The following DESI2 variants were observed in gnomAD, a reference collection of about 807,000 sequenced individuals.
The protein encoded by DESI2 is desumoylating isopeptidase 2, also known as deubiquitinase DESI2.
In DESI2, 10 loss-of-function variants were observed where a neutral mutation model predicts 24.1. That is an observed-to-expected ratio of 0.41 (90% CI 0.26 to 0.70). The LOEUF is 0.70. DESI2 is among the 30% of genes least tolerant of loss of function. The pLI, the probability that DESI2 is intolerant of heterozygous loss-of-function variation, is 0.29. For synonymous variants in DESI2, 71 were observed against 87.7 expected (o/e 0.81, Z 1.06); for missense variants, 122 against 234.9 (o/e 0.52, Z 3.14).
intron 4 of DESI2, among the ~76,000 whole-genome samples, chr1:244,704,733 A>G (rs1677625680): frequency 6.6e-6 from 1 of 152,130 alleles, no homozygotes; most frequent in Non-Finnish European, 1.5e-5. Flanking sequence ...ATGTCAGCTC[A>G]CTGCAACCTC....
intron 3 of DESI2, among the ~76,000 whole-genome samples, chr1:244,690,290 G>T (rs776569019): frequency 1.3e-5 from 2 of 152,130 alleles, no homozygotes; most frequent in Non-Finnish European, 2.9e-5. Flanking sequence ...TCATCGTTCA[G>T]TTCCCACCTA....
intron 4 of DESI2, among the ~76,000 whole-genome samples, chr1:244,704,444 C>T (rs11576678): frequency 0.24 from 36,679 of 151,896 alleles, 4,498 homozygotes; most frequent in South Asian, 0.33. Context: ...GAAATAGGAG[C>T]GGGGGGAAGG....
At chr1:244,673,734 A>G (rs1023252282) in intron 1 of DESI2, among the ~76,000 whole-genome samples, 1 of 152,096 alleles carries the variant, frequency 6.6e-6, no homozygotes, top group African/African-American at 2.4e-5. Flanking sequence ...TTATTGGACC[A>G]TGTCTAATAA....
chr1:244,682,065 GT>G (rs1676634253), intron 1 of DESI2, among the ~76,000 whole-genome samples: 1 of 152,192 alleles, frequency 6.6e-6, no homozygotes, highest in Admixed American at 6.5e-5. Flanking sequence ...GACCCTTGTG[GT>G]CAGTGTTACA....
At chr1:244,686,191 T>C (rs1481665490) in intron 1 of DESI2, among the ~76,000 whole-genome samples, 1 of 151,870 alleles carries the variant, frequency 6.6e-6, no homozygotes, top group Non-Finnish European at 1.5e-5. Context: ...TTCAGGGAGC[T>C]CACCAAAGAA....
chr1:244,671,574 T>C (rs1055526043), intron 1 of DESI2, among the ~76,000 whole-genome samples: 27 of 152,234 alleles, frequency 1.8e-4, no homozygotes, highest in African/African-American at 5.5e-4. Flanking sequence ...GGGCTTTATT[T>C]GGATAAAAAT....
At chr1:244,700,881 T>C (rs1677423550) in intron 4 of DESI2, among the ~76,000 whole-genome samples, 1 of 152,212 alleles carries the variant, frequency 6.6e-6, no homozygotes, top group African/African-American at 2.4e-5. Context: ...AGGTTTTTTG[T>C]TGTTCTTTCA....
chr1:244,699,644 A>G (rs528441914), intron 4 of DESI2, among the ~76,000 whole-genome samples: 22 of 150,844 alleles, frequency 1.5e-4, no homozygotes, highest in Admixed American at 1.3e-3. Flanking sequence ...TCCCGCTTTA[A>G]TATATCCCTT....
chr1:244,670,488 C>T (rs759762782), intron 1 of DESI2, among the ~76,000 whole-genome samples: 8 of 152,196 alleles, frequency 5.3e-5, no homozygotes, highest in African/African-American at 7.2e-5. Context: ...CCAATAAATA[C>T]GCGTTCTGGC....
intron 1 of DESI2, among the ~76,000 whole-genome samples, chr1:244,657,036 G>A (rs1248822080): frequency 6.6e-6 from 1 of 152,206 alleles, no homozygotes; most frequent in Admixed American, 6.5e-5. Flanking sequence ...GCGTCCCAAA[G>A]TTCTGGGATT....
intron 1 of DESI2, among the ~76,000 whole-genome samples, chr1:244,661,718 G>T (rs1048097467): frequency 7.2e-5 from 11 of 152,078 alleles, no homozygotes; most frequent in African/African-American, 2.4e-4. Flanking sequence ...CTTCATCCAT[G>T]TCCCTACAAA....
At chr1:244,680,522 A>G (rs1211218575) in intron 1 of DESI2, among the ~76,000 whole-genome samples, 1 of 152,196 alleles carries the variant, frequency 6.6e-6, no homozygotes, top group East Asian at 1.9e-4. Context: ...CTGGTTTAAC[A>G]CATTTGACAG....
rs111879952 is a variant in DESI2 at position 244,661,348 on chromosome 1, C to G, written c.42+7993C>G. Among the ~76,000 whole-genome samples, 572 of 152,264 alleles carry G rather than the reference C, an allele frequency of 3.8e-3. 2 individuals are homozygous for G. The highest frequency in any genetic ancestry group is 0.013 in the African/African-American group (546 of 41,540). On this transcript the variant is annotated intron_variant, in intron 1 of 4. Coordinates refer to ENST00000302550, the MANE Select transcript of DESI2 (RefSeq NM_016076.5). Reference sequence around the variant, plus strand: ...TGCAGCATGTATCAGAATTTCCTTCCTTTTTAAGGCTGAGTAATATTCCAC... The same window carrying G: ...TGCAGCATGTATCAGAATTTCCTTCGTTTTTAAGGCTGAGTAATATTCCAC...
At chr1:244,679,494 ACT>A (rs1010001198) in intron 1 of DESI2, among the ~76,000 whole-genome samples, 5 of 152,280 alleles carry the variant, frequency 3.3e-5, no homozygotes, top group Middle Eastern at 6.8e-3. Flanking sequence ...CCCGTCCTAC[ACT>A]CTGTCACACA....
At chr1:244,690,633 A>C (rs1355148153) in intron 3 of DESI2, among the ~76,000 whole-genome samples, 2 of 150,758 alleles carry the variant, frequency 1.3e-5, no homozygotes, top group African/African-American at 4.9e-5. Context: ...TGAACCTGGG[A>C]GGCAGAGGAT....
chr1:244,655,942 C>T (rs2148776875), intron 1 of DESI2, among the ~76,000 whole-genome samples: 1 of 152,282 alleles, frequency 6.6e-6, no homozygotes, highest in South Asian at 2.1e-4. Flanking sequence ...TTAAGGTTTT[C>T]ATGGAGGGGA....
intron 1 of DESI2, among the ~76,000 whole-genome samples, chr1:244,683,315 C>CTTTTT (rs1429991998): frequency 6.6e-6 from 1 of 151,850 alleles, no homozygotes; most frequent in African/African-American, 2.4e-5. Flanking sequence ...TATATTATTA[C>CTTTTT]TTTTTTCTTT....
At chr1:244,672,031 A>T (rs1363617006) in intron 1 of DESI2, among the ~76,000 whole-genome samples, 1 of 152,202 alleles carries the variant, frequency 6.6e-6, no homozygotes, top group East Asian at 1.9e-4. Context: ...TCCAAATCTC[A>T]TATTGAAATG....
intron 1 of DESI2, among the ~76,000 whole-genome samples, chr1:244,655,038 T>TG (rs1675599662): frequency 6.6e-6 from 1 of 152,236 alleles, no homozygotes; most frequent in African/African-American, 2.4e-5. Context: ...TGGCATATAG[T>TG]GGGCTTCTTT....
Sources: allele counts gnomAD v4.1 joint callset (sites outside exome capture counted in the v4.1 genomes callset), GRCh38; gene constraint gnomAD v4.1.1; transcripts MANE v1.5; gene names NCBI Gene and HGNC (gene_info 2026-07-23, HGNC 2026-07-21).